Variants in TTC39C observed in about 807,000 individuals in gnomAD.
TTC39C encodes tetratricopeptide repeat protein 39C.
TTC39C carries 33 observed loss-of-function variants against 76.3 expected under a neutral mutation model. The ratio of observed to expected loss-of-function variants is 0.43; its 90% CI spans 0.33 to 0.58. The LOEUF (loss-of-function observed/expected upper bound fraction) is 0.58. TTC39C is among the 20% of genes least tolerant of loss of function. The probability of loss-of-function intolerance (pLI) is 0.04; values close to 1 mark genes in which losing one functional copy is unlikely to be tolerated. For synonymous variants in TTC39C, 254 were observed against 260.6 expected (o/e 0.97, Z 0.24); for missense variants, 595 against 701.4 (o/e 0.85, Z 1.71).
intron 3 of TTC39C, 110 bp from the exon 4 acceptor site, chr18:24,069,047 G>A (rs2084204278): frequency 1.1e-6 from 1 of 896,142 alleles, no homozygotes; most frequent in Non-Finnish European, 1.7e-6. Flanking sequence ...TGAGTGCCAG[G>A]TTTCACAATT....
At chr18:24,064,256 C>T in intron 2 of TTC39C, 68 bp downstream of exon 2, 1 of 1,562,494 alleles carries the variant, frequency 6.4e-7, no homozygotes, top group Non-Finnish European at 8.8e-7. Context: ...CTGTTAGTGG[C>T]TACCAGTTGT....
At chr18:24,066,567 C>T (rs2084168304) in intron 3 of TTC39C, among the ~76,000 whole-genome samples, 1 of 152,138 alleles carries the variant, frequency 6.6e-6, no homozygotes, top group African/African-American at 2.4e-5. Context: ...CATCAGAATC[C>T]AGTTTTCCTG....
intron 2 of TTC39C, 42 bp downstream of exon 2, chr18:24,064,230 T>C: frequency 6.2e-7 from 1 of 1,605,136 alleles, no homozygotes. Context: ...AAGGAAACAA[T>C]TATATAAAGT....
At chr18:24,095,306 T>C (rs1040756959) in intron 6 of TTC39C, among the ~76,000 whole-genome samples, 1 of 152,254 alleles carries the variant, frequency 6.6e-6, no homozygotes, top group Non-Finnish European at 1.5e-5. Context: ...TGGTTTGATC[T>C]TCTATCCAGA....
chr18:24,080,112 AT>A (rs1186577563), intron 4 of TTC39C, among the ~76,000 whole-genome samples: 1 of 152,198 alleles, frequency 6.6e-6, no homozygotes, highest in Non-Finnish European at 1.5e-5. Flanking sequence ...TTGGCTAGAA[AT>A]TTAATGGTCA....
intron 1 of TTC39C, among the ~76,000 whole-genome samples, chr18:24,000,093 T>A (rs1365149960): frequency 6.6e-6 from 1 of 152,018 alleles, no homozygotes; most frequent in Admixed American, 6.6e-5. Context: ...CATCACCACC[T>A]CCCAGTGAGA....
intron 1 of TTC39C, among the ~76,000 whole-genome samples, chr18:24,045,328 A>G (rs1409590580): frequency 6.6e-6 from 1 of 151,636 alleles, no homozygotes; most frequent in Non-Finnish European, 1.5e-5. Context: ...GAGAATCTGC[A>G]TTGTAACAAG....
intron 4 of TTC39C, among the ~76,000 whole-genome samples, chr18:24,069,570 A>G (rs771773376): frequency 6.6e-6 from 1 of 152,192 alleles, no homozygotes; most frequent in Non-Finnish European, 1.5e-5. Flanking sequence ...CTTTGTGGGA[A>G]TCAGGTTGTG....
chr18:24,027,283 A>G (rs1440136187), intron 1 of TTC39C, among the ~76,000 whole-genome samples: 1 of 152,122 alleles, frequency 6.6e-6, no homozygotes, highest in Non-Finnish European at 1.5e-5. Flanking sequence ...AAAGAAAAAA[A>G]AAAAGTAATC....
Position 24,134,290 on chromosome 18 carries a change from T to TTTTTTC in TTC39C, c.*1717_*1718insTTTTCT. The TTTTTTC allele has an allele frequency of 7.2e-6, 1 of 138,716 alleles. No homozygotes were observed. The highest frequency in any genetic ancestry group is 1.5e-5 in the Non-Finnish European group (1 of 65,870). 8.6% of individuals were successfully genotyped at this position (138,716 alleles called of 1,614,324 possible). ...TTTTTTTTTTTTTTTTTTTTTTTTT[T>TTTTTTC]TGAGACGGAGTCTCGCTCTGTCACC... On this transcript the variant is annotated 3_prime_UTR_variant, in exon 14 of 14. Transcript: ENST00000317571.
chr18:24,083,625 T>C (rs1343980216), intron 6 of TTC39C, among the ~76,000 whole-genome samples: 2 of 152,192 alleles, frequency 1.3e-5, no homozygotes, highest in Non-Finnish European at 2.9e-5. Context: ...AGGTGTAAAA[T>C]TGTCATCTGC....
intron 6 of TTC39C, chr18:24,113,783 G>T (rs1163152884): frequency 1.5e-6 from 1 of 678,702 alleles, no homozygotes; most frequent in Non-Finnish European, 2.7e-6. Flanking sequence ...GACCCTGAGT[G>T]ACATCTTCAG....
chr18:24,108,794 A>G (rs1045185026), intron 6 of TTC39C, among the ~76,000 whole-genome samples: 18 of 152,198 alleles, frequency 1.2e-4, no homozygotes, highest in Admixed American at 1.2e-3. Context: ...GATATTAGGC[A>G]AGAGTACATT....
chr18:24,088,758 T>C (rs578023343), intron 6 of TTC39C, among the ~76,000 whole-genome samples: 1 of 152,208 alleles, frequency 6.6e-6, no homozygotes, highest in Non-Finnish European at 1.5e-5. Context: ...TACGTCGCCA[T>C]ATTCATGTCA....
chr18:24,118,654 ATT>A (rs10537168), intron 8 of TTC39C, among the ~76,000 whole-genome samples: 25,181 of 141,838 alleles, frequency 0.18, 2,484 homozygotes, highest in Middle Eastern at 0.33. Context: ...CAGTGTGTTA[ATT>A]TTTTTTTTTT....
At chr18:24,066,501 G>A (rs2084167834) in intron 3 of TTC39C, among the ~76,000 whole-genome samples, 3 of 152,174 alleles carry the variant, frequency 2.0e-5, no homozygotes, top group Admixed American at 2.0e-4. Context: ...GAATTCAGCT[G>A]TTTACCTAAT....
chr18:24,123,718 A>T, intron 8 of TTC39C, 116 bp from the exon 9 acceptor site: 1 of 690,936 alleles, frequency 1.4e-6, no homozygotes, highest in Non-Finnish European at 2.3e-6. Flanking sequence ...ATTGTGGAAT[A>T]GTCTTTAAAC....
At chr18:24,068,467 C>T (rs527909179) in intron 3 of TTC39C, among the ~76,000 whole-genome samples, 54 of 152,272 alleles carry the variant, frequency 3.5e-4, no homozygotes, top group African/African-American at 1.2e-3. Flanking sequence ...AGCTATTTAA[C>T]TTATTTTATT....
intron 1 of TTC39C, among the ~76,000 whole-genome samples, chr18:24,030,669 T>TTTTTTG (rs71163652): frequency 1.4e-5 from 2 of 146,800 alleles, no homozygotes; most frequent in African/African-American, 2.5e-5. Flanking sequence ...TTTTTTTTTT[T>TTTTTTG]GAGATGGAAT....
Sources: allele counts gnomAD v4.1 joint callset (sites outside exome capture counted in the v4.1 genomes callset), GRCh38; gene constraint gnomAD v4.1.1; transcripts MANE v1.5; gene names NCBI Gene and HGNC (gene_info 2026-07-23, HGNC 2026-07-21).